The following SNAPC5 variants were observed in gnomAD, a reference collection of about 807,000 sequenced individuals.
SNAPC5 encodes snRNA-activating protein complex subunit 5.
SNAPC5 carries 12 observed loss-of-function variants against 9.1 expected under a neutral mutation model. That is an observed-to-expected ratio of 1.32 (90% CI 0.85 to 2.15). SNAPC5 has a LOEUF of 2.15. SNAPC5 is among the 30% of genes most tolerant of loss of function. The pLI, the probability that SNAPC5 is intolerant of heterozygous loss-of-function variation, is 0.00. For missense variants in SNAPC5, 132 were observed against 114.4 expected (o/e 1.15, Z -0.70); for synonymous variants, 52 against 47.3 (o/e 1.10, Z -0.41).
downstream of SNAPC5, chr15:66,490,300 C>T: frequency 1.4e-6 from 1 of 690,600 alleles, no homozygotes; most frequent in Non-Finnish European, 2.7e-6. Context: ...GGTGACTTGC[C>T]CAAGGCCTCA....
In SNAPC5 at chr15:66,494,287, A is replaced by G. The variant is rs907320906; in HGVS notation, c.*149T>C. On this transcript the variant is annotated 3_prime_UTR_variant, in exon 3 of 3. Coordinates refer to ENST00000316634, the MANE Select transcript of SNAPC5 (RefSeq NM_001329615.2). ...TGAAGCTTGAGTTACCGATGGAGCC[A>G]TTTTTGCAACTACACATCCTCCTTA... The G allele has an allele frequency of 2.8e-4, 184 of 651,130 alleles. 3 individuals carry two copies. In the East Asian group the frequency reaches 4.0e-3, roughly 14 times the overall value. The allele number at this position is 651,130 out of a possible 1,614,324, so 40.3% of individuals were successfully genotyped here.
intron 1 of SNAPC5, 60 bp downstream of exon 1, chr15:66,497,582 T>TG (rs779822112): frequency 8.8e-6 from 13 of 1,475,054 alleles, no homozygotes; most frequent in South Asian, 2.3e-5. Context: ...AGGCCCAGGT[T>TG]GGGGGGAAAT....
downstream of SNAPC5, chr15:66,491,541 G>C: frequency 5.3e-6 from 1 of 188,744 alleles, no homozygotes; most frequent in Non-Finnish European, 1.1e-5. Flanking sequence ...AAGGATGAAA[G>C]CTACTTTTGC....
At chr15:66,496,619 A>T (rs979302598) in intron 1 of SNAPC5, among the ~76,000 whole-genome samples, 1 of 150,258 alleles carries the variant, frequency 6.7e-6, no homozygotes, top group African/African-American at 2.5e-5. Context: ...GACCACCTGG[A>T]CTTTGGCCAT....
downstream of SNAPC5, among the ~76,000 whole-genome samples, chr15:66,492,519 G>A (rs1221690718): frequency 6.9e-6 from 1 of 144,398 alleles, no homozygotes; most frequent in Non-Finnish European, 1.6e-5. Context: ...CATTTAGGCT[G>A]GGTTTTAACA....
intron 1 of SNAPC5, 109 bp downstream of exon 1, chr15:66,497,533 G>A (rs1159044183): frequency 1.1e-6 from 1 of 930,192 alleles, no homozygotes. Context: ...CACAGCTAGT[G>A]AGTAGCGGAG....
Position 66,495,387 on chromosome 15 carries a change from A to C in SNAPC5, c.123T>G (p.Ser41Arg), listed in dbSNP as rs969223853. The change falls in exon 2 of 3, where the codon AGT becomes AGG. Residue 41 changes from serine (S) to arginine (R), a missense_variant. Ser to Arg is a moderately radical substitution (Grantham distance 110). Transcript: ENST00000316634. ...VEELALQSMI[S>R]SRRGDEMLSS... is the part of the protein sequence containing the mutation. ...ACAGCATCTCATCCCCTCTTCTAGAACTGATCATTGATTGGAGGGCTAATT... is the reference window on the plus strand; with the variant it reads ...ACAGCATCTCATCCCCTCTTCTAGACCTGATCATTGATTGGAGGGCTAATT... The C allele has an allele frequency of 6.8e-6, 11 of 1,607,850 alleles. No individual in the cohort carries two copies. Among genetic ancestry groups the C allele is most frequent in the Admixed American group, 1.7e-5 (1 of 60,006 alleles).
chr15:66,495,573 C>G (rs922874263), intron 1 of SNAPC5, among the ~76,000 whole-genome samples, 154 bp from the exon 2 acceptor site: 14 of 152,308 alleles, frequency 9.2e-5, no homozygotes, highest in Middle Eastern at 3.4e-3. Context: ...GGGGTAGGCT[C>G]TTAGGTTTTC....
At chr15:66,489,810 G>A, downstream of SNAPC5, 2 of 1,476,794 alleles carry the variant, frequency 1.4e-6, no homozygotes, top group Non-Finnish European at 1.9e-6. Flanking sequence ...TTATTCATTT[G>A]TTCTTCTCTG....
Position 66,495,394 on chromosome 15 carries a change from A to T in SNAPC5, c.116T>A (p.Met39Lys), listed in dbSNP as rs1320235267. 1 of 1,606,362 alleles carries T rather than the reference A, an allele frequency of 6.2e-7. No homozygotes were observed. The highest frequency in any genetic ancestry group is 1.7e-5 in the Admixed American group (1 of 60,014). Reference protein sequence around the residue: ...LKVEELALQSMISSRRGDEML... With the variant: ...LKVEELALQSKISSRRGDEML... ...CTCATCCCCTCTTCTAGAACTGATC[A>T]TTGATTGGAGGGCTAATTCTTCAAC... The change falls in exon 2 of 3, where the codon ATG becomes AAG. Residue 39 changes from methionine (M) to lysine (K), a missense_variant. Met to Lys is a moderately conservative substitution (Grantham distance 95). Coordinates refer to ENST00000316634, the MANE Select transcript of SNAPC5 (RefSeq NM_001329615.2).
chr15:66,496,550 T>G (rs1893442847), intron 1 of SNAPC5, among the ~76,000 whole-genome samples: 1 of 147,740 alleles, frequency 6.8e-6, no homozygotes. Context: ...TAAGGCAGGG[T>G]CTCCCCATAT....
At chr15:66,492,505 T>C (rs999058145), downstream of SNAPC5, among the ~76,000 whole-genome samples, 3 of 151,066 alleles carry the variant, frequency 2.0e-5, no homozygotes, top group South Asian at 2.1e-4. Flanking sequence ...TTTCAACATA[T>C]AAACATTTAG....
chr15:66,491,882 A>T, downstream of SNAPC5: 1 of 445,074 alleles, frequency 2.2e-6, no homozygotes, highest in South Asian at 1.6e-5. Flanking sequence ...ATGACAAAAC[A>T]TTTCTTATCT....
Position 66,497,737 on chromosome 15 carries a change from C to T in SNAPC5, c.-6G>A, listed in dbSNP as rs375109333. ...TCCTGAAGCCGGCTCAGCATGTTGC[C>T]TGGTCACATAGCCAACCTCCGGGCT... On this transcript the variant is annotated 5_prime_UTR_variant, in exon 1 of 3. Transcript: ENST00000316634. 1.2e-5 allele frequency: 19 copies of T among 1,608,590 alleles called. No individual in the cohort carries two copies. The highest frequency in any genetic ancestry group is 1.4e-5 in the Non-Finnish European group (17 of 1,176,778).
chr15:66,489,844 A>C (rs1398244996), downstream of SNAPC5: 1 of 1,214,420 alleles, frequency 8.2e-7, no homozygotes, highest in Non-Finnish European at 1.2e-6. Flanking sequence ...CAGTACTTCC[A>C]GAGCCCATTC....
At position 66,494,270 on chromosome 15, in the gene SNAPC5, G is replaced by T. The variant is rs1396101517; in HGVS notation, c.*166C>A. ...TGTATGTCATAACATTCTGAAGCTT[G>T]AGTTACCGATGGAGCCATTTTTGCA... On this transcript the variant is annotated 3_prime_UTR_variant, in exon 3 of 3. Coordinates refer to ENST00000316634, the MANE Select transcript of SNAPC5 (RefSeq NM_001329615.2). The T allele has an allele frequency of 1.6e-6, 1 of 640,960 alleles. No homozygotes were observed. Among genetic ancestry groups the T allele is most frequent in the Non-Finnish European group, 2.8e-6 (1 of 356,888 alleles). The allele number at this position is 640,960 out of a possible 1,614,324, so 39.7% of individuals were successfully genotyped here.
intron 1 of SNAPC5, among the ~76,000 whole-genome samples, chr15:66,496,761 C>T (rs994421035): frequency 6.6e-6 from 1 of 152,084 alleles, no homozygotes; most frequent in Non-Finnish European, 1.5e-5. Flanking sequence ...AAGGCCGAGG[C>T]GGGCTGATCG....
chr15:66,491,996 G>A, downstream of SNAPC5: 1 of 456,694 alleles, frequency 2.2e-6, no homozygotes. Flanking sequence ...TGGCCAGCTT[G>A]CCTACCTGGT....
downstream of SNAPC5, chr15:66,490,662 C>T: frequency 2.0e-6 from 3 of 1,481,034 alleles, no homozygotes; most frequent in Non-Finnish European, 2.8e-6. Flanking sequence ...GGTGGTTTGC[C>T]ATGTCGCTTT....
Sources: allele counts gnomAD v4.1 joint callset (sites outside exome capture counted in the v4.1 genomes callset), GRCh38; gene constraint gnomAD v4.1.1; transcripts MANE v1.5; gene names NCBI Gene and HGNC (gene_info 2026-07-23, HGNC 2026-07-21).